Variants in C8orf34 observed in about 807,000 individuals in gnomAD.
C8orf34 encodes uncharacterized protein C8orf34.
Under a neutral mutation model 68.3 loss-of-function variants are expected in C8orf34, and 65 were observed. That is an observed-to-expected ratio of 0.95 (90% CI 0.78 to 1.17). The LOEUF is 1.17. C8orf34 is among the 50% of genes most tolerant of loss of function. The pLI is 0.00. For missense variants in C8orf34, 664 were observed against 655.4 expected (o/e 1.01, Z -0.14); for synonymous variants, 244 against 241.2 (o/e 1.01, Z -0.11).
At chr8:68,560,148 T>G (rs1176298614) in intron 7 of C8orf34, among the ~76,000 whole-genome samples, 7 of 101,702 alleles carry the variant, frequency 6.9e-5, no homozygotes, top group Non-Finnish European at 6.0e-5. Context: ...TCTGGTGTTT[T>G]TTTTTTTTTT....
At chr8:68,407,379 C>T (rs965396069) in intron 1 of C8orf34, among the ~76,000 whole-genome samples, 1 of 152,078 alleles carries the variant, frequency 6.6e-6, no homozygotes, top group Non-Finnish European at 1.5e-5. Flanking sequence ...ATTTTGCCTG[C>T]TCCCTACAGG....
intron 7 of C8orf34, among the ~76,000 whole-genome samples, chr8:68,633,495 G>A (rs971047318): frequency 2.0e-5 from 3 of 152,128 alleles, no homozygotes; most frequent in African/African-American, 7.2e-5. Context: ...AATAGGGCAA[G>A]TATATTTTTT....
At chr8:68,715,911 A>G (rs990344182) in intron 9 of C8orf34, among the ~76,000 whole-genome samples, 4 of 152,230 alleles carry the variant, frequency 2.6e-5, no homozygotes, top group African/African-American at 9.6e-5. Flanking sequence ...ATATGGAACC[A>G]GCCCAAATGC....
At chr8:68,668,588 GGACAAGAT>G (rs1254173724) in intron 8 of C8orf34, among the ~76,000 whole-genome samples, 3 of 152,100 alleles carry the variant, frequency 2.0e-5, no homozygotes, top group African/African-American at 7.2e-5. Flanking sequence ...GTAAAAGATC[GGACAAGAT>G]GACCTGGTAG....
At chr8:68,579,038 A>G (rs990493666) in intron 7 of C8orf34, among the ~76,000 whole-genome samples, 10 of 152,078 alleles carry the variant, frequency 6.6e-5, no homozygotes, top group African/African-American at 2.4e-4. Context: ...TATTTTCCAA[A>G]TGAGAATTAA....
chr8:68,798,238 C>T (rs1210031958), intron 12 of C8orf34, among the ~76,000 whole-genome samples: 2 of 150,660 alleles, frequency 1.3e-5, no homozygotes, highest in African/African-American at 4.9e-5. Flanking sequence ...GCTCCTCCTG[C>T]CTTGGCCTTG....
chr8:68,459,844 A>G (rs1286938452), intron 3 of C8orf34, among the ~76,000 whole-genome samples: 2 of 152,206 alleles, frequency 1.3e-5, no homozygotes, highest in Non-Finnish European at 1.5e-5. Flanking sequence ...TCCGGTCTAC[A>G]GCTCCCAGTG....
chr8:68,742,861 T>A (rs1219060109), intron 10 of C8orf34, among the ~76,000 whole-genome samples: 3 of 152,232 alleles, frequency 2.0e-5, no homozygotes, highest in Admixed American at 2.0e-4. Context: ...TGGAAATTGA[T>A]AAGGTTAATT....
chr8:68,645,410 G>T (rs1218991606), intron 8 of C8orf34, among the ~76,000 whole-genome samples: 6 of 152,066 alleles, frequency 3.9e-5, no homozygotes, highest in African/African-American at 1.4e-4. Context: ...AAAATGCTAA[G>T]ATATTAAGGA....
rs569921558 is a variant in C8orf34 at position 68,625,217 on chromosome 8, C to T, written c.1106-15159C>T. Among the ~76,000 whole-genome samples the T allele has an allele frequency of 5.0e-4, 76 of 152,138 alleles. 1 individual carries two copies. The South Asian group carries it at 6.0e-3, about 12-fold the overall frequency. On this transcript the variant is annotated intron_variant, in intron 7 of 13. Transcript: ENST00000518698. Reference sequence around the variant, plus strand: ...GAGCAAGTACAAGAGACCTCAGGGCCGTAATATTCTTGGCCTGCTCCCAGT... The same window carrying T: ...GAGCAAGTACAAGAGACCTCAGGGCTGTAATATTCTTGGCCTGCTCCCAGT...
In C8orf34 at chr8:68,345,900, A is replaced by G. The variant is rs74899421; in HGVS notation, c.327+14561A>G. 7.9e-3 allele frequency among the ~76,000 whole-genome samples: 1,196 copies of G among 152,194 alleles called. 19 individuals carry two copies. Among genetic ancestry groups the G allele is most frequent in the African/African-American group, 0.026 (1,100 of 41,546 alleles). On this transcript the variant is annotated intron_variant, in intron 1 of 13. Transcript: ENST00000518698. ...GATTTAAGCCACAAAGAAAATACTA[A>G]CAAATGTATTAACTTAGAAAACTGT...
chr8:68,530,845 T>C (rs1815213088), intron 6 of C8orf34, among the ~76,000 whole-genome samples: 1 of 152,160 alleles, frequency 6.6e-6, no homozygotes, highest in African/African-American at 2.4e-5. Flanking sequence ...TAAGTTGGGA[T>C]AGAAGATAAA....
intron 1 of C8orf34, among the ~76,000 whole-genome samples, chr8:68,399,861 G>A (rs1808872818): frequency 6.6e-6 from 1 of 152,074 alleles, no homozygotes; most frequent in Non-Finnish European, 1.5e-5. Context: ...CATTCTGAGT[G>A]GTGTAAGATG....
intron 6 of C8orf34, chr8:68,525,928 C>A: frequency 8.8e-6 from 2 of 226,842 alleles, no homozygotes; most frequent in Non-Finnish European, 1.7e-5. Context: ...GGAAAGATGG[C>A]AGCTGAAAGA....
In C8orf34 at chr8:68,720,776, T is replaced by C. The variant is rs533876028; in HGVS notation, c.1328-585T>C. Among the ~76,000 whole-genome samples the C allele has an allele frequency of 1.1e-4, 17 of 152,036 alleles. No homozygotes were observed. In the South Asian group the frequency reaches 3.5e-3, roughly 32 times the overall value. On this transcript the variant is annotated intron_variant, in intron 9 of 13. Transcript: ENST00000518698. ...ATGTCAGAAGACATATGAAAAAGGTTGCATCATTGTTTTCACATATTTGAA... is the reference window on the plus strand; with the variant it reads ...ATGTCAGAAGACATATGAAAAAGGTCGCATCATTGTTTTCACATATTTGAA...
At chr8:68,623,655 T>A (rs1213374476) in intron 7 of C8orf34, among the ~76,000 whole-genome samples, 1 of 152,146 alleles carries the variant, frequency 6.6e-6, no homozygotes, top group African/African-American at 2.4e-5. Context: ...AAGTTTGAGA[T>A]CAGGGTGCCA....
At chr8:68,530,126 A>C (rs987015898) in intron 6 of C8orf34, among the ~76,000 whole-genome samples, 4 of 152,106 alleles carry the variant, frequency 2.6e-5, no homozygotes, top group Non-Finnish European at 5.9e-5. Context: ...TAAAGTTATG[A>C]AGGAAAATTT....
At chr8:68,744,499 G>A (rs1343038045) in intron 10 of C8orf34, among the ~76,000 whole-genome samples, 1 of 151,526 alleles carries the variant, frequency 6.6e-6, no homozygotes, top group Non-Finnish European at 1.5e-5. Flanking sequence ...AAATTTAGAA[G>A]AATGTATAAC....
chr8:68,716,868 T>A (rs886652756), intron 9 of C8orf34, among the ~76,000 whole-genome samples: 4 of 151,830 alleles, frequency 2.6e-5, no homozygotes, highest in African/African-American at 7.2e-5. Context: ...AATTGTGAAA[T>A]TTTTTTATGC....
Sources: allele counts gnomAD v4.1 joint callset (sites outside exome capture counted in the v4.1 genomes callset), GRCh38; gene constraint gnomAD v4.1.1; transcripts MANE v1.5; gene names NCBI Gene and HGNC (gene_info 2026-07-23, HGNC 2026-07-21).